The following PKN2 variants were observed in gnomAD, a reference collection of about 807,000 sequenced individuals.
PKN2 encodes the protein serine/threonine-protein kinase N2.
A neutral mutation model predicts 119.1 loss-of-function variants in PKN2; 38 were observed. The ratio of observed to expected loss-of-function variants is 0.32; its 90% CI spans 0.25 to 0.42. PKN2 has a LOEUF of 0.42. Among genes scored for constraint, PKN2 ranks in the 10% least tolerant of loss-of-function variants. The pLI, the probability that PKN2 is intolerant of heterozygous loss-of-function variation, is 1.00. For synonymous variants in PKN2, 390 were observed against 384.9 expected (o/e 1.01, Z -0.15); for missense variants, 850 against 1,165.1 (o/e 0.73, Z 3.94).
chr1:88,753,637 G>C (rs747297198), intron 2 of PKN2, among the ~76,000 whole-genome samples: 1 of 149,776 alleles, frequency 6.7e-6, no homozygotes, highest in Non-Finnish European at 1.5e-5. Context: ...GGTGGAAGGC[G>C]AAAGAGAAGC....
intron 1 of PKN2, among the ~76,000 whole-genome samples, chr1:88,720,103 G>A (rs537130315): frequency 2.6e-4 from 40 of 152,058 alleles, no homozygotes; most frequent in African/African-American, 8.9e-4. Flanking sequence ...CACCAATCAC[G>A]GCTTACTGCA....
At chr1:88,832,031 C>T (rs1229819765) in intron 19 of PKN2, among the ~76,000 whole-genome samples, 1 of 151,850 alleles carries the variant, frequency 6.6e-6, no homozygotes, top group Non-Finnish European at 1.5e-5. Context: ...GATTTTAATA[C>T]TGAGCTTATG....
At position 88,741,202 on chromosome 1, in the gene PKN2, A is replaced by G; in HGVS notation, c.263A>G (p.Lys88Arg). 6.2e-7 allele frequency: 1 copy of G among 1,602,360 alleles called. No homozygotes were observed. The highest frequency in any genetic ancestry group is 8.5e-7 in the Non-Finnish European group (1 of 1,176,452). The stretch of plus-strand genomic sequence containing the variant: ...GCTTATGTAGACAACATTTTGAAAA[A>G]ATCAAATAAAAAATTAGAAGAACTA... ...SLAYVDNILK[K>R]SNKKLEELHH... The change falls in exon 2 of 22, where the codon AAA becomes AGA. Residue 88 changes from lysine (K) to arginine (R), a missense_variant. Lys to Arg is a conservative substitution (Grantham distance 26). Around this residue, in one of 9 missense-constraint regions of PKN2, gnomAD observed 350 missense variants for 511.1 expected, o/e 0.68. Coordinates refer to ENST00000370521, the MANE Select transcript of PKN2 (RefSeq NM_006256.4).
chr1:88,757,765 G>A (rs1669264066), intron 2 of PKN2, among the ~76,000 whole-genome samples: 2 of 152,110 alleles, frequency 1.3e-5, no homozygotes, highest in South Asian at 4.1e-4. Context: ...CCAACAGGCT[G>A]GGCGTGGTGG....
At chr1:88,828,938 G>A (rs1263992667) in intron 19 of PKN2, 9 of 632,164 alleles carry the variant, frequency 1.4e-5, no homozygotes, top group Non-Finnish European at 2.4e-5. Context: ...TAAAAGGAAT[G>A]TACTCTGTAC....
intron 6 of PKN2, among the ~76,000 whole-genome samples, chr1:88,773,322 G>A (rs139930286): frequency 0.01 from 1,540 of 151,616 alleles, 22 homozygotes; most frequent in African/African-American, 0.035. Flanking sequence ...TCAGCCTCCC[G>A]AGTAGCTGGG....
At chr1:88,702,745 C>G (rs112980810) in intron 1 of PKN2, among the ~76,000 whole-genome samples, 1,524 of 152,262 alleles carry the variant, frequency 0.01, 21 homozygotes, top group African/African-American at 0.035. Flanking sequence ...TGAAAACTTT[C>G]AACTGCACAG....
Position 88,786,249 on chromosome 1 carries a change from T to C in PKN2, c.1281+36T>C, listed in dbSNP as rs762309604. 9 of 1,028,068 alleles carry C rather than the reference T, an allele frequency of 8.8e-6. No homozygotes were observed. The Admixed American group carries it at 1.8e-4, about 21-fold the overall frequency. 63.7% of individuals were successfully genotyped at this position (1,028,068 alleles called of 1,614,324 possible). ...TAACATTTTACTTGAATTTTAATTA[T>C]AATTCATTTTAAATGTGAGTTATAT... On this transcript the variant is annotated intron_variant, in intron 8 of 21. Coordinates refer to ENST00000370521, the MANE Select transcript of PKN2 (RefSeq NM_006256.4).
At chr1:88,820,544 T>A (rs540218024) in intron 16 of PKN2, among the ~76,000 whole-genome samples, 11 of 145,610 alleles carry the variant, frequency 7.6e-5, no homozygotes, top group South Asian at 2.4e-4. Flanking sequence ...AAAAAAAAAA[T>A]AAATAAAATA....
intron 6 of PKN2, among the ~76,000 whole-genome samples, chr1:88,778,230 C>G (rs1278382759): frequency 2.0e-5 from 3 of 152,214 alleles, no homozygotes; most frequent in African/African-American, 7.2e-5. Context: ...CACGTATATC[C>G]TTAATCTTGG....
intron 1 of PKN2, among the ~76,000 whole-genome samples, chr1:88,726,823 A>G (rs1056806081): frequency 2.0e-5 from 3 of 151,684 alleles, no homozygotes. Context: ...CTGTATGCTT[A>G]TGTTTCTTCA....
intron 2 of PKN2, among the ~76,000 whole-genome samples, chr1:88,755,399 A>G (rs934323436): frequency 1.3e-5 from 2 of 152,162 alleles, no homozygotes; most frequent in African/African-American, 4.8e-5. Flanking sequence ...AAAAAAGTGA[A>G]CTTTATAAAG....
intron 3 of PKN2, among the ~76,000 whole-genome samples, chr1:88,761,873 A>G (rs1669458461): frequency 6.6e-6 from 1 of 151,968 alleles, no homozygotes; most frequent in African/African-American, 2.4e-5. Context: ...TAGCACTGAC[A>G]TTTAGTTTTG....
chr1:88,727,228 A>G (rs1195493910), intron 1 of PKN2, among the ~76,000 whole-genome samples: 1 of 144,190 alleles, frequency 6.9e-6, no homozygotes, highest in Admixed American at 6.8e-5. Context: ...TGGTATTAAT[A>G]TGGTTACTTT....
At chr1:88,713,995 C>T (rs1667343223) in intron 1 of PKN2, among the ~76,000 whole-genome samples, 1 of 152,182 alleles carries the variant, frequency 6.6e-6, no homozygotes, top group Admixed American at 6.5e-5. Flanking sequence ...CAGCTTTCTA[C>T]ATATGGCTAG....
intron 1 of PKN2, among the ~76,000 whole-genome samples, chr1:88,735,116 T>A (rs972000636): frequency 6.6e-6 from 1 of 152,198 alleles, no homozygotes; most frequent in African/African-American, 2.4e-5. Context: ...TTGTTACACA[T>A]TAGAGTCTCT....
intron 7 of PKN2, 148 bp downstream of exon 7, chr1:88,784,972 CAAAA>C (rs1670513792): frequency 2.2e-6 from 1 of 459,156 alleles, no homozygotes; most frequent in Non-Finnish European, 3.8e-6. Context: ...TGTCAGGAAA[CAAAA>C]AGGCAACAAA....
intron 1 of PKN2, among the ~76,000 whole-genome samples, chr1:88,738,160 G>C (rs1668428607): frequency 1.7e-5 from 2 of 115,034 alleles, no homozygotes; most frequent in African/African-American, 6.5e-5. Context: ...TAATGGACAA[G>C]TCATTAAAAA....
chr1:88,805,915 C>T lies in PKN2; in HGVS notation c.1701C>T (p.Asp567=). The T allele has an allele frequency of 6.2e-7, 1 of 1,613,970 alleles. No homozygotes were observed. The highest frequency in any genetic ancestry group is 1.3e-5 in the African/African-American group (1 of 75,020). Residue 567 remains aspartate, a synonymous_variant, in exon 12 of 22, where the codon GAC becomes GAT. Coordinates refer to ENST00000370521, the MANE Select transcript of PKN2 (RefSeq NM_006256.4). ...GTGATTCTACAGTAACCAAATTGGA[C>T]TTTGATCTTGAGCCTGAACCTCCTC... ...PASDSTVTKL[D]FDLEPEPPPA...
Sources: allele counts gnomAD v4.1 joint callset (sites outside exome capture counted in the v4.1 genomes callset), GRCh38; gene constraint gnomAD v4.1.1; regional missense constraint gnomAD v4.1.1; transcripts MANE v1.5; gene names NCBI Gene and HGNC (gene_info 2026-07-23, HGNC 2026-07-21).